IMMP2L: variants seen among roughly 807,000 people sequenced by gnomAD.
IMMP2L encodes inner mitochondrial membrane peptidase subunit 2.
IMMP2L carries 18 observed loss-of-function variants against 19.3 expected under a neutral mutation model. The observed-to-expected ratio is 0.93, with a 90% confidence interval of 0.64 to 1.38. The LOEUF (loss-of-function observed/expected upper bound fraction) is 1.38. IMMP2L is among the 40% of genes most tolerant of loss of function. The pLI is 0.00. For synonymous variants in IMMP2L, 76 were observed against 73.0 expected, an observed-to-expected ratio of 1.04 and a Z score of -0.21; for missense variants, 233 against 218.2, an observed-to-expected ratio of 1.07 and a Z score of -0.43.
chr7:110,680,081 G>C (rs538250253), intron 5 of IMMP2L, among the ~76,000 whole-genome samples: 25 of 152,290 alleles, frequency 1.6e-4, no homozygotes, highest in African/African-American at 6.0e-4. Flanking sequence ...AGTTCAAGTT[G>C]CTGGCAATTT....
chr7:111,342,448 T>C (rs1437823037), intron 3 of IMMP2L, among the ~76,000 whole-genome samples: 1 of 151,756 alleles, frequency 6.6e-6, no homozygotes, highest in Non-Finnish European at 1.5e-5. Context: ...AAAAATTAGC[T>C]GGGCGTGGTG....
At chr7:110,783,440 A>G (rs1036666058) in intron 5 of IMMP2L, among the ~76,000 whole-genome samples, 1 of 151,900 alleles carries the variant, frequency 6.6e-6, no homozygotes, top group African/African-American at 2.4e-5. Flanking sequence ...TGTTGTTTCT[A>G]TTACAACAGG....
At chr7:110,932,685 A>G (rs191490210) in intron 4 of IMMP2L, among the ~76,000 whole-genome samples, 2 of 152,324 alleles carry the variant, frequency 1.3e-5, no homozygotes, top group Admixed American at 1.3e-4. Context: ...CTCCAGTGAC[A>G]TTTGAGAAAA....
At chr7:110,793,113 G>T (rs1217260339) in intron 5 of IMMP2L, among the ~76,000 whole-genome samples, 1 of 152,036 alleles carries the variant, frequency 6.6e-6, no homozygotes, top group Non-Finnish European at 1.5e-5. Flanking sequence ...AATGTATCCA[G>T]AAATCACCCC....
At chr7:110,840,969 C>T (rs1805022238) in intron 5 of IMMP2L, among the ~76,000 whole-genome samples, 1 of 151,900 alleles carries the variant, frequency 6.6e-6, no homozygotes, top group Admixed American at 6.6e-5. Context: ...AAACCATGAG[C>T]TGGATTCTAA....
intron 3 of IMMP2L, among the ~76,000 whole-genome samples, chr7:111,071,119 A>G (rs1385411343): frequency 6.6e-6 from 1 of 152,170 alleles, no homozygotes; most frequent in Non-Finnish European, 1.5e-5. Flanking sequence ...CATGAAAAAA[A>G]TTTTCAACAT....
chr7:110,777,916 G>C (rs1799499682), intron 5 of IMMP2L, among the ~76,000 whole-genome samples: 2 of 151,842 alleles, frequency 1.3e-5, no homozygotes, highest in South Asian at 4.2e-4. Flanking sequence ...TTATTGTTCT[G>C]TTAGTCTAAA....
At chr7:111,301,865 T>C (rs1166579437) in intron 3 of IMMP2L, among the ~76,000 whole-genome samples, 2 of 140,658 alleles carry the variant, frequency 1.4e-5, no homozygotes, top group African/African-American at 2.7e-5. Flanking sequence ...AGCTATACAG[T>C]AGGTCTTATC....
At chr7:110,855,721 G>A (rs1806691818) in intron 5 of IMMP2L, among the ~76,000 whole-genome samples, 1 of 151,742 alleles carries the variant, frequency 6.6e-6, no homozygotes, top group South Asian at 2.1e-4. Context: ...TTAAAACTCT[G>A]CCAAAATTCA....
chr7:111,003,125 T>C (rs1280652697), intron 3 of IMMP2L, among the ~76,000 whole-genome samples: 2 of 152,200 alleles, frequency 1.3e-5, no homozygotes, highest in Non-Finnish European at 2.9e-5. Flanking sequence ...TTAGTTTATG[T>C]TAGCATTTAG....
intron 5 of IMMP2L, among the ~76,000 whole-genome samples, chr7:110,874,457 A>G (rs1808860435): frequency 6.6e-6 from 1 of 152,112 alleles, no homozygotes; most frequent in South Asian, 2.1e-4. Flanking sequence ...GAGCAGTGAG[A>G]TGGTTAGGGG....
intron 4 of IMMP2L, among the ~76,000 whole-genome samples, chr7:110,938,615 A>G (rs1342619196): frequency 1.2e-4 from 18 of 152,306 alleles, no homozygotes; most frequent in Non-Finnish European, 2.9e-5. Context: ...GATTAAAAAG[A>G]TAACTGATCT....
At chr7:110,836,848 G>A (rs1039730885) in intron 5 of IMMP2L, among the ~76,000 whole-genome samples, 11 of 152,126 alleles carry the variant, frequency 7.2e-5, no homozygotes, top group African/African-American at 2.7e-4. Flanking sequence ...CAATTTTAAA[G>A]ACTGATAAAT....
At position 111,437,019 on chromosome 7, in the gene IMMP2L, A is replaced by C. The variant is rs1837243873; in HGVS notation, c.239+50219T>G. The stretch of plus-strand genomic sequence containing the variant: ...TTTTCATTAGGGATCCGCCCCCATG[A>C]CCCAACCACCTCCCCTACCTTCATC... On this transcript the variant is annotated intron_variant, in intron 3 of 5. Transcript: ENST00000405709. 2.0e-5 allele frequency among the ~76,000 whole-genome samples: 3 copies of C among 151,830 alleles called. No individual in the cohort carries two copies. The South Asian group carries it at 6.2e-4, about 32-fold the overall frequency.
chr7:111,063,479 T>C (rs1454918383), intron 3 of IMMP2L, among the ~76,000 whole-genome samples: 1 of 152,174 alleles, frequency 6.6e-6, no homozygotes, highest in Non-Finnish European at 1.5e-5. Flanking sequence ...GGGCTTAACA[T>C]TTGGCTCCTC....
intron 2 of IMMP2L, among the ~76,000 whole-genome samples, chr7:111,496,893 GATAC>G (rs1032774791): frequency 6.9e-6 from 1 of 144,570 alleles, no homozygotes; most frequent in African/African-American, 2.6e-5. Flanking sequence ...CTCATAGATA[GATAC>G]ATAGATAGAT....
At chr7:110,774,396 C>T (rs1799239351) in intron 5 of IMMP2L, among the ~76,000 whole-genome samples, 1 of 151,972 alleles carries the variant, frequency 6.6e-6, no homozygotes, top group Admixed American at 6.6e-5. Flanking sequence ...CTTTTCCTGG[C>T]CCCAAGGCAA....
intron 2 of IMMP2L, among the ~76,000 whole-genome samples, chr7:111,518,296 C>T (rs547467977): frequency 2.0e-5 from 3 of 152,184 alleles, no homozygotes; most frequent in African/African-American, 7.2e-5. Flanking sequence ...ATTTGTTACT[C>T]AAAGTGAATT....
At chr7:110,843,119 A>C (rs1805270758) in intron 5 of IMMP2L, among the ~76,000 whole-genome samples, 1 of 152,290 alleles carries the variant, frequency 6.6e-6, no homozygotes, top group Non-Finnish European at 1.5e-5. Context: ...AGTAACAACG[A>C]CGACAAAAAA....
Sources: allele counts gnomAD v4.1 joint callset (sites outside exome capture counted in the v4.1 genomes callset), GRCh38; gene constraint gnomAD v4.1.1; transcripts MANE v1.5; gene names NCBI Gene and HGNC (gene_info 2026-07-23, HGNC 2026-07-21).